Variants in ANKRD13B observed in about 807,000 individuals in gnomAD.
ANKRD13B encodes ankyrin repeat domain 13B, also known as ankyrin repeat domain-containing protein 13B.
ANKRD13B carries 33 observed loss-of-function variants against 74.4 expected under a neutral mutation model. The observed-to-expected ratio is 0.44, with a 90% CI of 0.34 to 0.59. ANKRD13B has a LOEUF of 0.59. Among genes scored for constraint, ANKRD13B ranks in the 20% least tolerant of loss-of-function variants. The probability of loss-of-function intolerance (pLI) is 0.02; values close to 1 mark genes in which losing one functional copy is unlikely to be tolerated. For missense variants in ANKRD13B, 676 were observed against 877.9 expected, an observed-to-expected ratio of 0.77 and a Z score of 2.91; for synonymous variants, 341 against 362.9, an observed-to-expected ratio of 0.94 and a Z score of 0.68.
chr17:29,606,147 G>T (rs1034587953), intron 1 of ANKRD13B, among the ~76,000 whole-genome samples: 1 of 151,654 alleles, frequency 6.6e-6, no homozygotes, highest in South Asian at 2.1e-4. Flanking sequence ...CCAACCTCAG[G>T]TGATCTACCC....
rs2034601555 is a variant in ANKRD13B at position 29,612,195 on chromosome 17, G to A, written c.1180G>A (p.Ala394Thr). Residue 394 changes from alanine to threonine, a missense_variant, in exon 11 of 15, where the codon GCC (alanine) becomes ACC (threonine). Ala to Thr is a moderately conservative substitution (Grantham distance 58). Transcript: ENST00000394859. The surrounding 1 kb of genome is among the most constrained non-coding windows in gnomAD (Gnocchi z 6.1). ...EQVAPIIDLM[A>T]VSNALFAKLR... ...GGTGGCCCCCATCATTGACCTCATG[G>A]CCGTCAGCAATGCGCTTTTTGCCAA... The A allele has an allele frequency of 6.2e-7, 1 of 1,614,106 alleles. No individual in the cohort carries two copies. Among genetic ancestry groups the A allele is most frequent in the Non-Finnish European group, 8.5e-7 (1 of 1,180,026 alleles).
rs141285986 is a variant in ANKRD13B at position 29,609,695 on chromosome 17, G to A, written c.822+274G>A. On this transcript the variant is annotated intron_variant, in intron 7 of 14. Coordinates refer to ENST00000394859, the MANE Select transcript of ANKRD13B (RefSeq NM_152345.5). The surrounding 1 kb of genome is among the most constrained non-coding windows in gnomAD (Gnocchi z 4.0). ...TGTTCTGTTAGTATTCCCATTTTAC[G>A]CATGTTTATTGAGTCCTTTCCTTGG... Among the ~76,000 whole-genome samples the A allele has an allele frequency of 1.3e-3, 199 of 152,248 alleles. 1 individual carries two copies. The highest frequency in any genetic ancestry group is 0.012 in the Admixed American group (183 of 15,304).
At chr17:29,593,769 G>A in intron 1 of ANKRD13B, 34 bp downstream of exon 1, 1 of 1,312,054 alleles carries the variant, frequency 7.6e-7, no homozygotes, top group Non-Finnish European at 9.9e-7. Flanking sequence ...CGGGGACCCC[G>A]CGGCCGGGCA....
At position 29,608,750 on chromosome 17, in the gene ANKRD13B, C is replaced by T; in HGVS notation, c.422-101C>T. On this transcript the variant is annotated intron_variant, in intron 4 of 14. Transcript: ENST00000394859. The surrounding 1 kb of genome is among the most constrained non-coding windows in gnomAD (Gnocchi z 6.4). Reference sequence around the variant, plus strand: ...GGCTGCTCTCTCTTCAGTTCCCTCCCCTGTTCCTGGCCACACGGATCCCAA... The same window carrying T: ...GGCTGCTCTCTCTTCAGTTCCCTCCTCTGTTCCTGGCCACACGGATCCCAA... 1 of 1,485,850 alleles carries T rather than the reference C, an allele frequency of 6.7e-7. No individual in the cohort carries two copies. The highest frequency in any genetic ancestry group is 1.3e-5 in the South Asian group (1 of 77,708). The allele number at this position is 1,485,850 out of a possible 1,614,324, so 92.0% of individuals were successfully genotyped here.
chr17:29,599,946 G>A (rs545651395), intron 1 of ANKRD13B, among the ~76,000 whole-genome samples: 52 of 124,940 alleles, frequency 4.2e-4, no homozygotes, highest in African/African-American at 1.5e-3. Context: ...GCGCAATCTC[G>A]GCTCACTGCA....
chr17:29,595,890 C>T (rs555710021), intron 1 of ANKRD13B, among the ~76,000 whole-genome samples: 43 of 152,304 alleles, frequency 2.8e-4, no homozygotes, highest in African/African-American at 1.0e-3. Context: ...CGAGGACTGG[C>T]CCAGAGTGAG....
At position 29,593,660 on chromosome 17, in the gene ANKRD13B, G is replaced by C. The variant is rs774415170; in HGVS notation, c.39G>C (p.Glu13Asp). 7.0e-7 allele frequency: 1 copy of C among 1,428,044 alleles called. No individual in the cohort carries two copies. The highest frequency in any genetic ancestry group is 1.4e-5 in the South Asian group (1 of 70,588). The allele number at this position is 1,428,044 out of a possible 1,614,324, so 88.5% of individuals were successfully genotyped here. Residue 13 changes from glutamate (E) to aspartate (D), a missense_variant, in exon 1 of 15, where the codon GAG becomes GAC. Coordinates refer to ENST00000394859, the MANE Select transcript of ANKRD13B (RefSeq NM_152345.5). ...ACGCCTCCGCCAGGAAGGGGCCCGA[G>C]GGCAAGTATCCGCTGCACTACCTCG... is the stretch of plus-strand genomic sequence containing the variant. The part of the protein sequence containing the change: ...PANASARKGP[E>D]GKYPLHYLVW...
chr17:29,608,704 G>T lies in ANKRD13B; in HGVS notation c.422-147G>T. 8.5e-7 allele frequency: 1 copy of T among 1,170,858 alleles called. No individual in the cohort carries two copies. The allele number at this position is 1,170,858 out of a possible 1,614,324, so 72.5% of individuals were successfully genotyped here. ...GTGTGAGTATGGTCTACACTGGCCA[G>T]GGAGGGGGTTTTGGAGGAGAGGCTG... On this transcript the variant is annotated intron_variant, in intron 4 of 14. Transcript: ENST00000394859. This position sits in a 1 kb window ranked among gnomAD's most constrained non-coding sequence, Gnocchi z 6.4.
intron 1 of ANKRD13B, among the ~76,000 whole-genome samples, chr17:29,605,235 G>A (rs1473490966): frequency 1.3e-5 from 2 of 151,982 alleles, no homozygotes; most frequent in South Asian, 4.2e-4. Flanking sequence ...TGCTCTGCTC[G>A]GGCTTCCCCT....
Position 29,611,866 on chromosome 17 carries a change from T to G in ANKRD13B, c.970-10T>G. 6.3e-7 allele frequency: 1 copy of G among 1,591,516 alleles called. No homozygotes were observed. Among genetic ancestry groups the G allele is most frequent in the Non-Finnish European group, 8.6e-7 (1 of 1,168,148 alleles). On this transcript the variant is annotated splice_polypyrimidine_tract_variant and intron_variant, in intron 9 of 14. Coordinates refer to ENST00000394859, the MANE Select transcript of ANKRD13B (RefSeq NM_152345.5). This position sits in a 1 kb window ranked among gnomAD's most constrained non-coding sequence, Gnocchi z 4.3. ...AGGGGAGCTCCTGGGCCCCTCCCCATGTGGTACAGACCCTGATCACTCAGA... is the reference window on the plus strand; with the variant it reads ...AGGGGAGCTCCTGGGCCCCTCCCCAGGTGGTACAGACCCTGATCACTCAGA...
chr17:29,608,479 T>A lies in ANKRD13B; in HGVS notation c.421+239T>A, dbSNP rs776342689. Among the ~76,000 whole-genome samples, 2 of 152,216 alleles carry A rather than the reference T, an allele frequency of 1.3e-5. No individual in the cohort carries two copies. The highest frequency in any genetic ancestry group is 2.9e-5 in the Non-Finnish European group (2 of 68,042). ...TGTATTCATGACCTGCCGCTCCTTGTTAGAAGGTAAGCTCTGAGAGGGCAG... is the reference window on the plus strand; with the variant it reads ...TGTATTCATGACCTGCCGCTCCTTGATAGAAGGTAAGCTCTGAGAGGGCAG... On this transcript the variant is annotated intron_variant, in intron 4 of 14. Coordinates refer to ENST00000394859, the MANE Select transcript of ANKRD13B (RefSeq NM_152345.5). This position sits in a 1 kb window ranked among gnomAD's most constrained non-coding sequence, Gnocchi z 6.4.
At chr17:29,610,884 C>G (rs1283368832) in intron 8 of ANKRD13B, 118 bp downstream of exon 8, 1 of 998,808 alleles carries the variant, frequency 1.0e-6, no homozygotes. Flanking sequence ...ATGCTTTATT[C>G]AGGCCGATAG....
intron 1 of ANKRD13B, among the ~76,000 whole-genome samples, chr17:29,606,728 TAAAAAAAA>T (rs370548766): frequency 6.4e-5 from 4 of 62,972 alleles, no homozygotes; most frequent in Non-Finnish European, 5.7e-5. Context: ...CTGTCTCAAG[TAAAAAAAA>T]AAAAAAAAAA....
At position 29,612,232 on chromosome 17, in the gene ANKRD13B, TC is replaced by T; in HGVS notation, c.1218del (p.Phe406LeufsTer86). On this transcript the variant is annotated frameshift_variant, in exon 11 of 15. Coordinates refer to ENST00000394859, the MANE Select transcript of ANKRD13B (RefSeq NM_152345.5). LOFTEE classifies it high-confidence loss of function. This position sits in a 1 kb window ranked among gnomAD's most constrained non-coding sequence, Gnocchi z 6.1. Reference protein sequence around the residue: ...SNALFAKLRDFITLRLPPGFP... With the variant: ...SNALFAKLRDXITLRLPPGFP... ...GCGCTTTTTGCCAAGCTCCGGGACTTCATCACCCTGCGTCTGCCTCCTGGCT... is the reference window on the plus strand; with the variant it reads ...GCGCTTTTTGCCAAGCTCCGGGACTTATCACCCTGCGTCTGCCTCCTGGCT... The T allele has an allele frequency of 1.2e-6, 2 of 1,614,088 alleles. No homozygotes were observed. Among genetic ancestry groups the T allele is most frequent in the Non-Finnish European group, 1.7e-6 (2 of 1,180,020 alleles).
intron 1 of ANKRD13B, among the ~76,000 whole-genome samples, chr17:29,597,375 C>T (rs562250850): frequency 1.1e-4 from 16 of 152,276 alleles, no homozygotes; most frequent in African/African-American, 3.6e-4. Context: ...TAAGGGCACA[C>T]GTGAGTACCT....
Position 29,608,236 on chromosome 17 carries a change from C to T in ANKRD13B, c.417C>T (p.Ser139=). ...FYVEMKWEFT[S]WVPLVSKICP... ...TGGAGATGAAATGGGAGTTCACTAG[C>T]TGGGGTAAGCGGGCTGCAGCAGGTC... The change falls in exon 4 of 15, where the codon AGC becomes AGT. Residue 139 remains serine (S), a synonymous_variant. Coordinates refer to ENST00000394859, the MANE Select transcript of ANKRD13B (RefSeq NM_152345.5). This position sits in a 1 kb window ranked among gnomAD's most constrained non-coding sequence, Gnocchi z 6.4. The T allele has an allele frequency of 6.2e-7, 1 of 1,614,182 alleles. No individual in the cohort carries two copies. The highest frequency in any genetic ancestry group is 2.2e-5 in the East Asian group (1 of 44,884).
chr17:29,606,773 G>T (rs1453176149), intron 1 of ANKRD13B, among the ~76,000 whole-genome samples: 2 of 149,766 alleles, frequency 1.3e-5, no homozygotes, highest in Non-Finnish European at 3.0e-5. Flanking sequence ...TTTTGTCTGG[G>T]CACTGCGGCT....
At chr17:29,597,479 A>C (rs1478139520) in intron 1 of ANKRD13B, among the ~76,000 whole-genome samples, 1 of 150,896 alleles carries the variant, frequency 6.6e-6, no homozygotes, top group Non-Finnish European at 1.5e-5. Flanking sequence ...CTGCCCAGGG[A>C]CCCCCAGCTA....
rs1375158238 is a variant in ANKRD13B at position 29,613,405 on chromosome 17, C to T, written c.1704C>T (p.Pro568=). The change falls in exon 15 of 15, where the codon CCC becomes CCT. Residue 568 remains proline, a synonymous_variant. Coordinates refer to ENST00000394859, the MANE Select transcript of ANKRD13B (RefSeq NM_152345.5). ...AGCCTGCGCCCCCGGCGTCAGTGCCCAGCCCTCGGCCCAGCTCAGGGCCAG... is the reference window on the plus strand; with the variant it reads ...AGCCTGCGCCCCCGGCGTCAGTGCCTAGCCCTCGGCCCAGCTCAGGGCCAG... ...QRQPAPPASV[P]SPRPSSGPGS... is the part of the protein sequence containing the mutation. 4 of 1,505,054 alleles carry T rather than the reference C, an allele frequency of 2.7e-6. No homozygotes were observed. The highest frequency in any genetic ancestry group is 2.9e-5 in the African/African-American group (2 of 68,780). The allele number at this position is 1,505,054 out of a possible 1,614,324, so 93.2% of individuals were successfully genotyped here. A position where few individuals can be genotyped will look rare whatever the true frequency, so the allele number is the denominator to read the frequency against.
Sources: allele counts gnomAD v4.1 joint callset (sites outside exome capture counted in the v4.1 genomes callset), GRCh38; gene constraint gnomAD v4.1.1; non-coding constraint Gnocchi (gnomAD v3.1); transcripts MANE v1.5; gene names NCBI Gene and HGNC (gene_info 2026-07-23, HGNC 2026-07-21).